The following DPF3 variants were observed in gnomAD, a reference collection of about 807,000 sequenced individuals.
DPF3 encodes the protein zinc finger protein DPF3.
Under a neutral mutation model 56.8 loss-of-function variants are expected in DPF3, and 18 were observed. The observed-to-expected ratio is 0.32, with a 90% confidence interval of 0.22 to 0.47. The LOEUF is 0.47. Ranked by LOEUF, DPF3 falls within the 20% of genes least tolerant of loss-of-function variation. The pLI is 1.00. For synonymous variants in DPF3, 188 were observed against 180.2 expected (o/e 1.04, Z -0.35); for missense variants, 403 against 488.8 (o/e 0.82, Z 1.65).
chr14:72,650,248 T>A (rs1233023042), intron 8 of DPF3, among the ~76,000 whole-genome samples: 2 of 152,158 alleles, frequency 1.3e-5, no homozygotes, highest in East Asian at 1.9e-4. Context: ...CCTCCCTGAA[T>A]GACCCCAGGG....
intron 3 of DPF3, among the ~76,000 whole-genome samples, chr14:72,738,877 C>T (rs1890011717): frequency 6.6e-6 from 1 of 152,038 alleles, no homozygotes; most frequent in African/African-American, 2.4e-5. Flanking sequence ...ACACTGTATG[C>T]CATAAATATA....
intron 8 of DPF3, among the ~76,000 whole-genome samples, chr14:72,651,111 G>A (rs1885895200): frequency 6.6e-6 from 1 of 152,250 alleles, no homozygotes; most frequent in Non-Finnish European, 1.5e-5. Flanking sequence ...TCAGGGTACA[G>A]GAAGAGGTGG....
chr14:72,882,687 T>C (rs987050491), intron 1 of DPF3, among the ~76,000 whole-genome samples: 16 of 152,238 alleles, frequency 1.1e-4, no homozygotes, highest in African/African-American at 3.9e-4. Flanking sequence ...TAGATGGTTC[T>C]GCATTGGCTA....
chr14:72,656,678 G>C (rs1484739189), intron 8 of DPF3, among the ~76,000 whole-genome samples: 1 of 152,186 alleles, frequency 6.6e-6, no homozygotes, highest in Non-Finnish European at 1.5e-5. Context: ...CTTCATATGT[G>C]ATCACAGGGT....
chr14:72,614,777 GA>G lies in DPF3; in HGVS notation c.*4519del, dbSNP rs757694376. ...CTGTTGCCCAGGATCACAAGCCTCA[GA>G]AAAAAAAAAAAGAGTTACAATCACT... On this transcript the variant is annotated 3_prime_UTR_variant, in exon 11 of 11. Transcript: ENST00000556509. Among the ~76,000 whole-genome samples, 55 of 96,002 alleles carry G rather than the reference GA, an allele frequency of 5.7e-4. No homozygotes were observed. Among genetic ancestry groups the G allele is most frequent in the South Asian group, 1.9e-3 (4 of 2,156 alleles). 63.0% of individuals were successfully genotyped at this position (96,002 alleles called of 152,430 possible).
chr14:72,780,638 C>T (rs1357811064), intron 1 of DPF3, among the ~76,000 whole-genome samples: 1 of 152,166 alleles, frequency 6.6e-6, no homozygotes, highest in Non-Finnish European at 1.5e-5. Context: ...AATAGATATC[C>T]TCCAAGTTCA....
At chr14:72,728,629 G>A (rs1040956119) in intron 4 of DPF3, among the ~76,000 whole-genome samples, 1 of 152,074 alleles carries the variant, frequency 6.6e-6, no homozygotes, top group African/African-American at 2.4e-5. Context: ...GAAGAACTGG[G>A]GACAGGGCGA....
At chr14:72,764,491 T>G (rs1311835190) in intron 2 of DPF3, among the ~76,000 whole-genome samples, 1 of 119,662 alleles carries the variant, frequency 8.4e-6, no homozygotes, top group African/African-American at 3.7e-5. Context: ...GTTGTTTTTT[T>G]TTTTTTTTTT....
At chr14:72,827,174 G>C (rs1883845924) in intron 1 of DPF3, among the ~76,000 whole-genome samples, 1 of 152,028 alleles carries the variant, frequency 6.6e-6, no homozygotes, top group Non-Finnish European at 1.5e-5. Flanking sequence ...GCTTGGGGTG[G>C]TTACGACAGA....
intron 1 of DPF3, among the ~76,000 whole-genome samples, chr14:72,798,665 C>T (rs921110276): frequency 2.0e-5 from 3 of 152,198 alleles, no homozygotes; most frequent in Admixed American, 6.5e-5. Context: ...CAGCCAGATC[C>T]CTTTCCCTTT....
At chr14:72,889,327 C>T (rs995137158) in intron 1 of DPF3, among the ~76,000 whole-genome samples, 15 of 152,162 alleles carry the variant, frequency 9.9e-5, no homozygotes, top group Non-Finnish European at 4.4e-5. Context: ...GACATTTACC[C>T]ATTGAAAAAT....
chr14:72,623,083 T>C (rs148772646), intron 9 of DPF3, among the ~76,000 whole-genome samples: 2 of 152,228 alleles, frequency 1.3e-5, no homozygotes, highest in African/African-American at 4.8e-5. Flanking sequence ...ACATATATAC[T>C]TGTTACCATT....
chr14:72,848,901 G>T (rs1182407338), intron 1 of DPF3, among the ~76,000 whole-genome samples: 1 of 152,108 alleles, frequency 6.6e-6, no homozygotes, highest in Non-Finnish European at 1.5e-5. Context: ...TAAAAATAAT[G>T]GGCTCCATTT....
intron 1 of DPF3, among the ~76,000 whole-genome samples, chr14:72,864,964 G>C (rs1287792230): frequency 6.6e-6 from 1 of 152,220 alleles, no homozygotes; most frequent in Non-Finnish European, 1.5e-5. Context: ...CAGGACGAGG[G>C]GAGGGAGGAG....
At chr14:72,689,478 T>C (rs1471234348) in intron 7 of DPF3, among the ~76,000 whole-genome samples, 1 of 151,914 alleles carries the variant, frequency 6.6e-6, no homozygotes, top group Non-Finnish European at 1.5e-5. Flanking sequence ...GCCCCTCCCC[T>C]CCAAAAGCCT....
chr14:72,624,768 T>A (rs1449696100), intron 9 of DPF3, among the ~76,000 whole-genome samples: 1 of 152,236 alleles, frequency 6.6e-6, no homozygotes, highest in Non-Finnish European at 1.5e-5. Context: ...CTTGACACTT[T>A]CAAAAAATCC....
intron 1 of DPF3, among the ~76,000 whole-genome samples, chr14:72,867,431 T>C (rs1481662469): frequency 1.3e-5 from 2 of 152,174 alleles, no homozygotes; most frequent in Admixed American, 6.5e-5. Context: ...CTAGATCTAT[T>C]ATTCCAAGCA....
intron 1 of DPF3, among the ~76,000 whole-genome samples, chr14:72,845,329 A>G (rs1321515992): frequency 1.3e-5 from 2 of 152,210 alleles, no homozygotes; most frequent in African/African-American, 4.8e-5. Context: ...AACAGACCCA[A>G]GCTAGCCAGG....
At chr14:72,731,693 G>C (rs779434275) in intron 4 of DPF3, 114 bp downstream of exon 4, 13 of 1,433,264 alleles carry the variant, frequency 9.1e-6, no homozygotes, top group Non-Finnish European at 1.1e-5. Context: ...AAGGCAGTCT[G>C]AGACTGAGCC....
Sources: allele counts gnomAD v4.1 joint callset (sites outside exome capture counted in the v4.1 genomes callset), GRCh38; gene constraint gnomAD v4.1.1; transcripts MANE v1.5; gene names NCBI Gene and HGNC (gene_info 2026-07-23, HGNC 2026-07-21).